VWA8: variants seen among roughly 807,000 people sequenced by gnomAD.
The protein encoded by VWA8 is von Willebrand factor A domain containing 8.
Under a neutral mutation model 241.5 loss-of-function variants are expected in VWA8, and 221 were observed. The ratio of observed to expected loss-of-function variants is 0.91; its 90% CI spans 0.82 to 1.02. The LOEUF is 1.02. Among genes scored for constraint, VWA8 ranks in the 50% least tolerant of loss-of-function variants. VWA8 has a pLI of 0.00. For missense variants in VWA8, 2,322 were observed against 2,328.7 expected, an observed-to-expected ratio of 1.00 and a Z score of 0.06; for synonymous variants, 852 against 827.1, an observed-to-expected ratio of 1.03 and a Z score of -0.52.
intron 26 of VWA8, among the ~76,000 whole-genome samples, chr13:41,705,429 G>C (rs908730877): frequency 6.6e-6 from 1 of 152,110 alleles, no homozygotes; most frequent in African/African-American, 2.4e-5. Flanking sequence ...TCTCTCTCTT[G>C]GTTTAGGGAA....
intron 9 of VWA8, among the ~76,000 whole-genome samples, chr13:41,869,390 T>C (rs562581221): frequency 1.5e-4 from 23 of 151,950 alleles, no homozygotes; most frequent in Non-Finnish European, 8.8e-5. Flanking sequence ...TCCCAGCACT[T>C]TGGGACGCCA....
Position 41,568,176 on chromosome 13 carries a change from C to A in VWA8, c.*21G>T, listed in dbSNP as rs771987129. On this transcript the variant is annotated 3_prime_UTR_variant, in exon 45 of 45. Transcript: ENST00000379310. ...GTCTTATTTCAAATCCTGGTGTCATCAGGGTGATGAAGGGCACTTCTTAGA... is the reference window on the plus strand; with the variant it reads ...GTCTTATTTCAAATCCTGGTGTCATAAGGGTGATGAAGGGCACTTCTTAGA... 7 of 1,578,952 alleles carry A rather than the reference C, an allele frequency of 4.4e-6. No individual in the cohort carries two copies. Among genetic ancestry groups the A allele is most frequent in the Non-Finnish European group, 6.1e-6 (7 of 1,148,640 alleles).
At chr13:41,863,169 T>C (rs1873085490) in intron 12 of VWA8, among the ~76,000 whole-genome samples, 2 of 151,610 alleles carry the variant, frequency 1.3e-5, no homozygotes, top group African/African-American at 2.4e-5. Flanking sequence ...CAGAAAAACA[T>C]GAAAAGGCAA....
intron 26 of VWA8, among the ~76,000 whole-genome samples, chr13:41,708,146 T>C (rs1021739533): frequency 5.3e-5 from 8 of 151,784 alleles, no homozygotes; most frequent in African/African-American, 1.9e-4. Flanking sequence ...TCACCTGAGG[T>C]CGGGAGTTCG....
chr13:41,600,266 T>G (rs1227394370), intron 40 of VWA8, among the ~76,000 whole-genome samples: 1 of 152,180 alleles, frequency 6.6e-6, no homozygotes, highest in African/African-American at 2.4e-5. Context: ...AATGGTCACC[T>G]GGCAAAGACT....
intron 18 of VWA8, among the ~76,000 whole-genome samples, chr13:41,787,208 G>A (rs577347082): frequency 1.4e-5 from 2 of 143,752 alleles, no homozygotes; most frequent in Admixed American, 7.4e-5. Context: ...TAAGGGTGAG[G>A]GGAATTGTAT....
intron 19 of VWA8, among the ~76,000 whole-genome samples, chr13:41,778,594 T>TTG (rs1868725664): frequency 6.6e-6 from 1 of 151,950 alleles, no homozygotes; most frequent in African/African-American, 2.4e-5. Context: ...ACAGAGGAAA[T>TTG]TACATTGCTC....
chr13:41,833,628 G>T, intron 12 of VWA8, 97 bp from the exon 13 acceptor site: 1 of 1,290,496 alleles, frequency 7.7e-7, no homozygotes, highest in East Asian at 2.8e-5. Context: ...ACCTCCGTCT[G>T]AACTTAACAT....
In VWA8 at chr13:41,833,379, T is replaced by TA; in HGVS notation, c.1577dup (p.Leu527IlefsTer7). ...TTGTGACTCATACCCACCTTTGCAA[T>TA]ACAGCAAGCGTGCCCGCATTCACCC... On this transcript the variant is annotated frameshift_variant, in exon 13 of 45. Transcript: ENST00000379310. LOFTEE classifies it high-confidence loss of function. The TA allele has an allele frequency of 6.2e-7, 1 of 1,609,484 alleles. No homozygotes were observed. Among genetic ancestry groups the TA allele is most frequent in the Non-Finnish European group, 8.5e-7 (1 of 1,177,966 alleles).
chr13:41,960,976 G>T lies in VWA8; in HGVS notation c.40C>A (p.His14Asn), dbSNP rs772144260. ...RLLLLGAPGGHGGPASRRMRL... is the reference protein window; with the variant it reads ...RLLLLGAPGGNGGPASRRMRL... ...ATGCGCCGCGAGGCCGGGCCGCCGT[G>T]GCCTCCGGGTGCCCCGAGGAGTAGA... is the stretch of plus-strand genomic sequence containing the variant. Residue 14 changes from histidine to asparagine, a missense_variant, in exon 1 of 45, where the codon CAC becomes AAC. Transcript: ENST00000379310. 2 of 1,426,316 alleles carry T rather than the reference G, an allele frequency of 1.4e-6. No individual in the cohort carries two copies. Among genetic ancestry groups the T allele is most frequent in the South Asian group, 2.9e-5 (2 of 67,982 alleles). 88.4% of individuals were successfully genotyped at this position (1,426,316 alleles called of 1,614,324 possible).
At position 41,888,514 on chromosome 13, in the gene VWA8, A is replaced by G. The variant is rs779868267; in HGVS notation, c.652-1153T>C. Among the ~76,000 whole-genome samples, 47 of 152,216 alleles carry G rather than the reference A, an allele frequency of 3.1e-4. 1 individual carries two copies. Among genetic ancestry groups the G allele is most frequent in the Admixed American group, 8.5e-4 (13 of 15,302 alleles). The stretch of plus-strand genomic sequence containing the variant: ...CTCTCCAAACACATGATGCTGCTTC[A>G]CCAACACTACTCCATCTTCTTGGAA... On this transcript the variant is annotated intron_variant, in intron 5 of 44. Coordinates refer to ENST00000379310, the MANE Select transcript of VWA8 (RefSeq NM_015058.2).
At position 41,612,419 on chromosome 13, in the gene VWA8, A is replaced by T. The variant is rs151194666; in HGVS notation, c.4721-687T>A. On this transcript the variant is annotated intron_variant, in intron 38 of 44. Coordinates refer to ENST00000379310, the MANE Select transcript of VWA8 (RefSeq NM_015058.2). The stretch of plus-strand genomic sequence containing the variant: ...ATAGAAACTCAAGTTTACATAATAC[A>T]TATTACATATACATATTACGTTTTA... 9.3e-4 allele frequency among the ~76,000 whole-genome samples: 142 copies of T among 152,360 alleles called. 1 individual carries two copies. In the South Asian group the frequency reaches 0.014, roughly 15 times the overall value.
At chr13:41,608,167 C>G (rs1329124750) in intron 39 of VWA8, among the ~76,000 whole-genome samples, 10 of 152,224 alleles carry the variant, frequency 6.6e-5, no homozygotes, top group Admixed American at 3.3e-4. Context: ...ATAGGCCTAC[C>G]ACTGGTGCGA....
intron 40 of VWA8, among the ~76,000 whole-genome samples, chr13:41,603,395 A>T (rs9532900): frequency 0.032 from 4,922 of 152,236 alleles, 141 homozygotes; most frequent in East Asian, 0.14. Context: ...TTGTATAAAC[A>T]TGATACCATT....
At chr13:41,830,475 A>G in intron 14 of VWA8, 54 bp downstream of exon 14, 1 of 1,403,746 alleles carries the variant, frequency 7.1e-7, no homozygotes, top group Middle Eastern at 1.8e-4. Flanking sequence ...CATAAAAAGT[A>G]TTATTTTTAA....
chr13:41,846,066 A>G (rs1338730457), intron 12 of VWA8, among the ~76,000 whole-genome samples: 2 of 150,488 alleles, frequency 1.3e-5, no homozygotes, highest in Non-Finnish European at 3.0e-5. Context: ...TTTTTTTAAG[A>G]GACAGGTCTC....
chr13:41,590,016 G>T (rs1449518884), intron 41 of VWA8, among the ~76,000 whole-genome samples: 1 of 152,134 alleles, frequency 6.6e-6, no homozygotes, highest in Non-Finnish European at 1.5e-5. Flanking sequence ...CTTTTGTGAG[G>T]TGATTTTCAG....
At chr13:41,788,334 A>T (rs1869300713) in intron 17 of VWA8, among the ~76,000 whole-genome samples, 1 of 152,200 alleles carries the variant, frequency 6.6e-6, no homozygotes, top group African/African-American at 2.4e-5. Flanking sequence ...CACAGCTCTA[A>T]ATCTTTGGTG....
chr13:41,853,557 CATT>C (rs1346606691), intron 12 of VWA8, among the ~76,000 whole-genome samples: 3 of 152,096 alleles, frequency 2.0e-5, no homozygotes, highest in Non-Finnish European at 4.4e-5. Context: ...TCTCCTAACT[CATT>C]ATTGATTTGT....
Sources: gnomAD v4.1 joint callset for allele counts (sites outside exome capture counted in the v4.1 genomes callset) on GRCh38, gnomAD v4.1.1 for gene constraint, MANE v1.5 for transcripts, NCBI Gene and HGNC (gene_info 2026-07-23, HGNC 2026-07-21) for gene names.